The following SRGAP3 variants were observed in gnomAD, a reference collection of about 807,000 sequenced individuals.
SRGAP3 encodes SLIT-ROBO Rho GTPase-activating protein 3.
In SRGAP3, 39 loss-of-function variants were observed where a neutral mutation model predicts 121.1. That is an observed-to-expected ratio of 0.32 (90% CI 0.25 to 0.42). The LOEUF is 0.42. Ranked by LOEUF, SRGAP3 falls within the 10% of genes least tolerant of loss-of-function variation. The pLI is 1.00. For missense variants in SRGAP3, 1,213 were observed against 1,470.6 expected (o/e 0.82, Z 2.86); for synonymous variants, 601 against 570.0 (o/e 1.05, Z -0.77).
At chr3:9,325,964 A>C (rs1955511215) in intron 3 of SRGAP3, 1 of 151,950 alleles carries the variant, frequency 6.6e-6, no homozygotes, top group African/African-American at 2.4e-5. Flanking sequence ...GTTCACAACA[A>C]GGATGCCATC....
intron 1 of SRGAP3, among the ~76,000 whole-genome samples, chr3:9,182,491 G>A (rs802792): frequency 0.35 from 52,426 of 151,804 alleles, 9,791 homozygotes; most frequent in African/African-American, 0.5. Flanking sequence ...AGCCAACAGG[G>A]AGAGCGAGGC....
chr3:9,180,318 GA>G (rs1310578785), intron 1 of SRGAP3, among the ~76,000 whole-genome samples: 11 of 152,248 alleles, frequency 7.2e-5, no homozygotes, highest in African/African-American at 2.7e-4. Context: ...CCCACCCACA[GA>G]AAGACACGGA....
intron 1 of SRGAP3, among the ~76,000 whole-genome samples, chr3:9,148,063 C>T (rs1012837245): frequency 2.6e-5 from 4 of 152,200 alleles, no homozygotes; most frequent in African/African-American, 7.2e-5. Flanking sequence ...GAAATACCCA[C>T]GGATCCAGTT....
intron 1 of SRGAP3, among the ~76,000 whole-genome samples, chr3:9,240,169 C>A (rs1434973689): frequency 6.6e-6 from 1 of 152,148 alleles, no homozygotes; most frequent in Non-Finnish European, 1.5e-5. Flanking sequence ...AAGGAATACT[C>A]TTAGGGAACA....
intron 9 of SRGAP3, among the ~76,000 whole-genome samples, chr3:9,050,730 G>T (rs1394572712): frequency 6.6e-6 from 1 of 152,210 alleles, no homozygotes; most frequent in African/African-American, 2.4e-5. Flanking sequence ...CTGCCAAAGT[G>T]AATTAATCTT....
intron 3 of SRGAP3, among the ~76,000 whole-genome samples, chr3:9,313,416 T>C (rs150134729): frequency 3.1e-4 from 47 of 152,254 alleles, no homozygotes; most frequent in African/African-American, 1.1e-3. Context: ...TGGCCAGGCA[T>C]GGTGGCCCAC....
chr3:9,162,645 G>A (rs1396809612), intron 1 of SRGAP3, among the ~76,000 whole-genome samples: 1 of 152,220 alleles, frequency 6.6e-6, no homozygotes, highest in Admixed American at 6.5e-5. Context: ...GCAGGTGGGG[G>A]CACACACAGC....
At chr3:9,120,016 C>T (rs1009387467) in intron 2 of SRGAP3, among the ~76,000 whole-genome samples, 7 of 152,202 alleles carry the variant, frequency 4.6e-5, no homozygotes, top group East Asian at 1.9e-4. Context: ...TGCAGTTATA[C>T]GGGAGAGATA....
intron 1 of SRGAP3, among the ~76,000 whole-genome samples, chr3:9,231,363 A>G (rs901208033): frequency 6.6e-6 from 1 of 152,162 alleles, no homozygotes; most frequent in Admixed American, 6.5e-5. Flanking sequence ...ATTTGGCAGT[A>G]ATGAGGATGG....
At chr3:9,202,936 C>T (rs1952119036) in intron 1 of SRGAP3, among the ~76,000 whole-genome samples, 2 of 152,222 alleles carry the variant, frequency 1.3e-5, no homozygotes, top group African/African-American at 4.8e-5. Context: ...GATGGGAGGG[C>T]ATAAAATTCA....
chr3:8,985,967 G>T lies in SRGAP3; in HGVS notation c.2887-35C>A. Reference sequence around the variant, plus strand: ...GAGGGAGCTGGGGTCAGCACAGTCTGGAGACCTGGAGTCAGGTCCTTCCTG... The same window carrying T: ...GAGGGAGCTGGGGTCAGCACAGTCTTGAGACCTGGAGTCAGGTCCTTCCTG... On this transcript the variant is annotated intron_variant, in intron 21 of 21. Coordinates refer to ENST00000383836, the MANE Select transcript of SRGAP3 (RefSeq NM_014850.4). The surrounding 1 kb of genome is among the most constrained non-coding windows in gnomAD (Gnocchi z 5.1). The T allele has an allele frequency of 6.3e-7, 1 of 1,599,532 alleles. No individual in the cohort carries two copies. Among genetic ancestry groups the T allele is most frequent in the Non-Finnish European group, 8.5e-7 (1 of 1,179,890 alleles).
intron 3 of SRGAP3, among the ~76,000 whole-genome samples, chr3:9,255,372 T>C (rs1954109571): frequency 6.6e-6 from 1 of 152,220 alleles, no homozygotes; most frequent in East Asian, 1.9e-4. Context: ...GGACACTGTG[T>C]CTTCCTCCTG....
intron 5 of SRGAP3, among the ~76,000 whole-genome samples, chr3:9,063,487 C>T (rs1039202591): frequency 7.9e-5 from 12 of 151,476 alleles, no homozygotes; most frequent in African/African-American, 2.9e-4. Flanking sequence ...AGAGCAACAT[C>T]TATTCAAATT....
intron 7 of SRGAP3, among the ~76,000 whole-genome samples, chr3:9,056,644 T>C (rs571187474): frequency 6.6e-5 from 10 of 152,114 alleles, no homozygotes; most frequent in Non-Finnish European, 1.0e-4. Flanking sequence ...TAAGCAAAAC[T>C]AACTGGTTAA....
At chr3:9,318,171 A>T (rs192555196) in intron 3 of SRGAP3, among the ~76,000 whole-genome samples, 188 of 149,450 alleles carry the variant, frequency 1.3e-3, no homozygotes, top group African/African-American at 4.4e-3. Flanking sequence ...TTGTCTATCC[A>T]TGCAGTTGTC....
intron 1 of SRGAP3, among the ~76,000 whole-genome samples, chr3:9,137,479 T>C (rs1039950126): frequency 6.6e-6 from 1 of 152,148 alleles, no homozygotes; most frequent in African/African-American, 2.4e-5. Flanking sequence ...TATTGGCTAG[T>C]ACTTTGAAAA....
Position 9,057,101 on chromosome 3 carries a change from T to C in SRGAP3, c.1024-767A>G, listed in dbSNP as rs1211675293. ...TGTTTTTTGTTGTTGTTGTTGTCGT[T>C]GTTTTTTAACAGAGACAGGGTTTCA... is the stretch of plus-strand genomic sequence containing the variant. On this transcript the variant is annotated intron_variant, in intron 7 of 21. Coordinates refer to ENST00000383836, the MANE Select transcript of SRGAP3 (RefSeq NM_014850.4). Among the ~76,000 whole-genome samples, 3 of 152,178 alleles carry C rather than the reference T, an allele frequency of 2.0e-5. No individual in the cohort carries two copies. In the East Asian group the frequency reaches 5.8e-4, roughly 29 times the overall value.
At chr3:9,299,649 C>T (rs1955015208) in intron 3 of SRGAP3, among the ~76,000 whole-genome samples, 1 of 152,198 alleles carries the variant, frequency 6.6e-6, no homozygotes, top group Admixed American at 6.5e-5. Flanking sequence ...GTGGCTCACG[C>T]CTGTAATCCC....
intron 1 of SRGAP3, among the ~76,000 whole-genome samples, chr3:9,343,629 T>A (rs1406394978): frequency 2.0e-5 from 3 of 152,316 alleles, no homozygotes; most frequent in East Asian, 1.9e-4. Context: ...TAGGCATACA[T>A]CTTTATATTA....
Sources: allele counts gnomAD v4.1 joint callset (sites outside exome capture counted in the v4.1 genomes callset), GRCh38; gene constraint gnomAD v4.1.1; non-coding constraint Gnocchi (gnomAD v3.1); transcripts MANE v1.5; gene names NCBI Gene and HGNC (gene_info 2026-07-23, HGNC 2026-07-21).